Variants in TENM4 observed in about 807,000 individuals in gnomAD.
TENM4 encodes teneurin transmembrane protein 4, also known as teneurin-4.
A neutral mutation model predicts 243.3 loss-of-function variants in TENM4; 82 were observed. That is an observed-to-expected ratio of 0.34 (90% CI 0.28 to 0.40). The LOEUF is 0.40. Among genes scored for constraint, TENM4 ranks in the 10% least tolerant of loss-of-function variants. The pLI is 1.00. For missense variants in TENM4, 3,138 were observed against 3,673.3 expected, an observed-to-expected ratio of 0.85 and a Z score of 3.77; for synonymous variants, 1,412 against 1,456.3, an observed-to-expected ratio of 0.97 and a Z score of 0.69.
At chr11:78,760,909 G>A (rs894534607) in intron 18 of TENM4, among the ~76,000 whole-genome samples, 2 of 151,894 alleles carry the variant, frequency 1.3e-5, no homozygotes, top group African/African-American at 2.4e-5. Context: ...TTTGTTCTTC[G>A]GGTCATAAAT....
At chr11:79,202,552 G>C (rs574706028) in intron 3 of TENM4, among the ~76,000 whole-genome samples, 1 of 152,196 alleles carries the variant, frequency 6.6e-6, no homozygotes, top group Non-Finnish European at 1.5e-5. Flanking sequence ...GCCTGCAAAG[G>C]TTCTCTGTCC....
rs1273682441 is a variant in TENM4, at chr11:78,677,774, C to CT, written c.5261-1388dup. ...GATTTAAAACATTCTAACTTAGATT[C>CT]TTTTTTTTTTTATTATACTCTAAGT... On this transcript the variant is annotated intron_variant, in intron 29 of 33. Transcript: ENST00000278550. Among the ~76,000 whole-genome samples the CT allele has an allele frequency of 7.1e-3, 1,038 of 145,456 alleles. 13 individuals are homozygous for CT. Among genetic ancestry groups the CT allele is most frequent in the African/African-American group, 0.023 (913 of 39,750 alleles).
intron 4 of TENM4, among the ~76,000 whole-genome samples, chr11:79,108,643 C>G (rs768228377): frequency 1.3e-5 from 2 of 151,886 alleles, no homozygotes; most frequent in Non-Finnish European, 2.9e-5. Context: ...CATAATGTAC[C>G]TCCAGATGTT....
chr11:79,383,744 C>T, intron 1 of TENM4, among the ~76,000 whole-genome samples: 1 of 152,104 alleles, frequency 6.6e-6, no homozygotes. Context: ...TTACTGTAGT[C>T]TAAAACAAAA....
intron 6 of TENM4, among the ~76,000 whole-genome samples, chr11:78,985,538 T>A (rs1857897004): frequency 6.6e-6 from 1 of 152,204 alleles, no homozygotes; most frequent in Non-Finnish European, 1.5e-5. Context: ...GTTTGAGCAT[T>A]TTTCTATGTT....
At chr11:79,013,638 C>G (rs976418853) in intron 6 of TENM4, among the ~76,000 whole-genome samples, 6 of 152,202 alleles carry the variant, frequency 3.9e-5, no homozygotes, top group African/African-American at 1.2e-4. Flanking sequence ...GAACAAGATT[C>G]CAAGGCCAAA....
rs567668788 is a variant in TENM4, at chr11:79,381,660, G to C, written c.-321+58849C>G. Among the ~76,000 whole-genome samples the C allele has an allele frequency of 2.6e-5, 4 of 151,410 alleles. No homozygotes were observed. In the South Asian group the frequency reaches 8.5e-4, roughly 32 times the overall value. On this transcript the variant is annotated intron_variant, in intron 1 of 33. Transcript: ENST00000278550. Reference sequence around the variant, plus strand: ...TATTTGAATTGGATGGGTTCAAGGAGTACTGTGATATCCGACGTTCACTTG... The same window carrying C: ...TATTTGAATTGGATGGGTTCAAGGACTACTGTGATATCCGACGTTCACTTG...
chr11:79,326,742 CTT>C, intron 1 of TENM4, among the ~76,000 whole-genome samples: 1 of 152,318 alleles, frequency 6.6e-6, no homozygotes, highest in Non-Finnish European at 1.5e-5. Flanking sequence ...AACTGAGTCT[CTT>C]TGTCCCGTTC....
chr11:79,118,292 C>G (rs1282659453), intron 4 of TENM4, among the ~76,000 whole-genome samples: 1 of 152,188 alleles, frequency 6.6e-6, no homozygotes, highest in Non-Finnish European at 1.5e-5. Flanking sequence ...GAAACACTGT[C>G]AGGCACTGTA....
At chr11:79,036,680 G>A (rs1859388463) in intron 6 of TENM4, among the ~76,000 whole-genome samples, 1 of 152,164 alleles carries the variant, frequency 6.6e-6, no homozygotes. Context: ...GATGTTGTAG[G>A]TGGAGCCTGA....
rs763728319 is a variant in TENM4 at position 78,903,023 on chromosome 11, G to T, written c.749+245C>A. Among the ~76,000 whole-genome samples the T allele has an allele frequency of 2.0e-5, 3 of 152,208 alleles. No individual in the cohort carries two copies. The East Asian group carries it at 5.8e-4, about 29-fold the overall frequency. ...GAGAGGCAAGGGGTTGGTGCGGGGG[G>T]TGTCTAGCAACTTGGCCAAGGTCAC... On this transcript the variant is annotated intron_variant, in intron 7 of 33. Transcript: ENST00000278550.
chr11:78,738,487 G>A lies in TENM4; in HGVS notation c.2840C>T (p.Pro947Leu), dbSNP rs947553322. The A allele has an allele frequency of 7.4e-6, 12 of 1,613,872 alleles. No homozygotes were observed. In the Admixed American group the frequency reaches 1.5e-4, roughly 20 times the overall value. The part of the protein sequence containing the change: ...VGVNISFVNN[P>L]LFGYTISRQD... ...CCTGCTGATTGTATATCCAAAGAGAGGGTTATTGACAAAACTGATGTTCAC... is the reference window on the plus strand; with the variant it reads ...CCTGCTGATTGTATATCCAAAGAGAAGGTTATTGACAAAACTGATGTTCAC... The change falls in exon 20 of 34, where the codon CCT (proline) becomes CTT (leucine). Residue 947 changes from proline to leucine, a missense_variant. Around this residue, in one of 2 missense-constraint regions of TENM4, gnomAD observed 2,467 missense variants for 3,059.1 expected, o/e 0.81. Transcript: ENST00000278550.
chr11:79,339,978 A>G (rs1376390988), intron 1 of TENM4, among the ~76,000 whole-genome samples: 1 of 152,190 alleles, frequency 6.6e-6, no homozygotes, highest in Non-Finnish European at 1.5e-5. Context: ...CAGCAGAGCC[A>G]TTCAGCTGAG....
rs780081322 is a variant in TENM4 at position 78,722,784 on chromosome 11, CTTG to C, written c.3681_3683del (p.Asn1227del). 6.2e-7 allele frequency: 1 copy of C among 1,614,068 alleles called. No individual in the cohort carries two copies. The highest frequency in any genetic ancestry group is 8.5e-7 in the Non-Finnish European group (1 of 1,179,888). On this transcript the variant is annotated inframe_deletion, in exon 24 of 34. Transcript: ENST00000278550. ...AGGTGAGGGCCACTGGGGCCAGGAG[CTTG>C]TTGCCGTCAGCAAGGCCGTTGCAGC...
rs1857806481 is a variant in TENM4 at position 78,652,942 on chromosome 11, T to G, written c.*5116A>C. ...CCAGTGGTGGAGCAAGGCTCCCTCC[T>G]CTGGGAGGGTTGGGTTCGTTGGCCC... On this transcript the variant is annotated 3_prime_UTR_variant, in exon 34 of 34. Transcript: ENST00000278550. 1 of 152,254 alleles carries G rather than the reference T, an allele frequency of 6.6e-6. No individual in the cohort carries two copies. The highest frequency in any genetic ancestry group is 2.4e-5 in the African/African-American group (1 of 41,466). The allele number at this position is 152,254 out of a possible 1,614,324, so 9.4% of individuals were successfully genotyped here.
At chr11:78,973,499 C>T (rs1362924428) in intron 6 of TENM4, among the ~76,000 whole-genome samples, 7 of 152,056 alleles carry the variant, frequency 4.6e-5, no homozygotes, top group Non-Finnish European at 7.3e-5. Context: ...CTATTCAGAT[C>T]CATTGCCCAA....
intron 6 of TENM4, among the ~76,000 whole-genome samples, chr11:78,996,908 A>G (rs1278809126): frequency 6.6e-6 from 1 of 152,128 alleles, no homozygotes; most frequent in Non-Finnish European, 1.5e-5. Flanking sequence ...TTGTAGTCAG[A>G]GAGAATATTA....
intron 6 of TENM4, among the ~76,000 whole-genome samples, chr11:78,990,629 G>C (rs1009171751): frequency 6.6e-6 from 1 of 152,146 alleles, no homozygotes; most frequent in African/African-American, 2.4e-5. Flanking sequence ...GTGTTTGAAA[G>C]GAGTACACAA....
intron 2 of TENM4, among the ~76,000 whole-genome samples, chr11:79,253,548 C>G (rs912494316): frequency 2.0e-5 from 3 of 152,192 alleles, no homozygotes; most frequent in Admixed American, 2.0e-4. Context: ...GACACAGAGT[C>G]CCACAGCTGA....
Sources: gnomAD v4.1 joint callset for allele counts (sites outside exome capture counted in the v4.1 genomes callset) on GRCh38, gnomAD v4.1.1 for gene constraint, gnomAD v4.1.1 regional missense constraint, MANE v1.5 for transcripts, NCBI Gene and HGNC (gene_info 2026-07-23, HGNC 2026-07-21) for gene names.